AVEN: variants seen among roughly 807,000 people sequenced by gnomAD.
AVEN encodes the protein apoptosis and caspase activation inhibitor.
A neutral mutation model predicts 38.1 loss-of-function variants in AVEN; 41 were observed. The ratio of observed to expected loss-of-function variants is 1.08; its 90% CI spans 0.84 to 1.40. The LOEUF (loss-of-function observed/expected upper bound fraction) is 1.40, where lower values mean the gene tolerates loss of function less well. Among genes scored for constraint, AVEN ranks in the 40% most tolerant of loss-of-function variants. The pLI is 0.00. For missense variants in AVEN, 605 were observed against 438.8 expected, an observed-to-expected ratio of 1.38 and a Z score of -3.38; for synonymous variants, 206 against 171.8, an observed-to-expected ratio of 1.20 and a Z score of -1.56.
chr15:33,924,381 AATT>A (rs1567416058), intron 2 of AVEN, among the ~76,000 whole-genome samples: 3 of 151,876 alleles, frequency 2.0e-5, no homozygotes, highest in Non-Finnish European at 2.9e-5. Flanking sequence ...AAAAAAAAAA[AATT>A]ATTATTTTTT....
chr15:33,990,380 T>C (rs1896669955), intron 2 of AVEN, among the ~76,000 whole-genome samples: 1 of 151,518 alleles, frequency 6.6e-6, no homozygotes, highest in Non-Finnish European at 1.5e-5. Context: ...AGACCCTGTC[T>C]GAAAAAAAAA....
intron 3 of AVEN, among the ~76,000 whole-genome samples, chr15:33,873,089 C>CCTTTTTTTTTTTTTTTTTTTTTTTT (rs1567388353): frequency 7.2e-6 from 1 of 138,118 alleles, no homozygotes; most frequent in African/African-American, 2.8e-5. Flanking sequence ...TCTACTTTTC[C>CCTTTTTTTTTTTTTTTTTTTTTTTT]TTTTCTTTTT....
downstream of AVEN, among the ~76,000 whole-genome samples, chr15:33,857,233 G>A (rs1378553514): frequency 1.5e-5 from 1 of 65,154 alleles, no homozygotes; most frequent in African/African-American, 5.7e-5. Context: ...AGTAAGTCCA[G>A]TATCATGGTG....
chr15:34,053,976 T>C lies in AVEN; in HGVS notation n.1637+8946A>G, dbSNP rs192145108. Among the ~76,000 whole-genome samples the C allele has an allele frequency of 3.9e-5, 6 of 151,952 alleles. No individual in the cohort carries two copies. The East Asian group carries it at 1.2e-3, about 29-fold the overall frequency. On this transcript the variant is annotated intron_variant and non_coding_transcript_variant, in intron 5 of 11. Transcript: ENST00000675287. ...GAATCTACAAGGAACATAAACAAAT[T>C]TATGAGAAAAAAACAACCCCATCAA...
chr15:33,892,988 G>A (rs1597201590), intron 2 of AVEN, among the ~76,000 whole-genome samples: 1 of 152,112 alleles, frequency 6.6e-6, no homozygotes, highest in East Asian at 1.9e-4. Flanking sequence ...TGTAGCAATT[G>A]TGAATGGGAG....
chr15:33,904,290 C>T (rs1441996570), intron 2 of AVEN, among the ~76,000 whole-genome samples: 2 of 152,164 alleles, frequency 1.3e-5, no homozygotes, highest in African/African-American at 2.4e-5. Flanking sequence ...CATGATGGTA[C>T]ACACCTACAG....
chr15:33,876,435 G>GCCTATAATAGCA (rs71117188), intron 2 of AVEN, among the ~76,000 whole-genome samples: 7 of 151,712 alleles, frequency 4.6e-5, no homozygotes, highest in Admixed American at 4.6e-4. Context: ...AGCTGGGCGT[G>GCCTATAATAGCA]GTGGCACGTG....
intron 1 of AVEN, among the ~76,000 whole-genome samples, chr15:34,072,432 GA>G (rs2140858079): frequency 1.3e-5 from 2 of 151,520 alleles, no homozygotes; most frequent in Non-Finnish European, 2.9e-5. Context: ...CCAACATGGT[GA>G]AACCCCGTCT....
chr15:33,878,354 C>T (rs770280911), intron 2 of AVEN, among the ~76,000 whole-genome samples: 1 of 151,804 alleles, frequency 6.6e-6, no homozygotes, highest in Non-Finnish European at 1.5e-5. Context: ...AGAAACAGCC[C>T]CAGGTATATG....
chr15:33,965,315 T>G lies in AVEN; in HGVS notation c.445+37717A>C, dbSNP rs574219348. 1.4e-4 allele frequency among the ~76,000 whole-genome samples: 21 copies of G among 152,292 alleles called. No homozygotes were observed. The East Asian group carries it at 4.0e-3, about 29-fold the overall frequency. On this transcript the variant is annotated intron_variant, in intron 2 of 5. Coordinates refer to ENST00000306730, the MANE Select transcript of AVEN (RefSeq NM_020371.3). ...TCTCTTAAAATGCAACTTTTTCTCT[T>G]CATTTATTAACTGAAAAATAATCAC...
chr15:34,025,682 G>A (rs1031434510), intron 1 of AVEN, among the ~76,000 whole-genome samples: 4 of 152,116 alleles, frequency 2.6e-5, no homozygotes, highest in Middle Eastern at 3.2e-3. Flanking sequence ...GGGTAAAGAC[G>A]CATCATATCC....
chr15:34,033,706 T>C (rs532071379), intron 1 of AVEN, among the ~76,000 whole-genome samples: 11 of 152,314 alleles, frequency 7.2e-5, no homozygotes, highest in South Asian at 2.1e-4. Context: ...AATAAGGTTC[T>C]GTGGGAGATG....
At chr15:34,003,725 G>T (rs1227000383) in intron 1 of AVEN, among the ~76,000 whole-genome samples, 1 of 152,184 alleles carries the variant, frequency 6.6e-6, no homozygotes. Context: ...GAGGGACAAT[G>T]ACTTGTGAAA....
chr15:33,859,498 CAT>C, intron 11 of AVEN: 1 of 1,534,436 alleles, frequency 6.5e-7, no homozygotes. Flanking sequence ...CTGACCGAAT[CAT>C]ATGAATGATC....
intron 2 of AVEN, among the ~76,000 whole-genome samples, chr15:33,963,432 C>G (rs972080652): frequency 6.6e-6 from 1 of 152,146 alleles, no homozygotes; most frequent in African/African-American, 2.4e-5. Context: ...CAGGCAGTGG[C>G]TGGCTTTTGT....
Position 34,003,131 on chromosome 15 carries a change from A to G in AVEN, c.346T>C (p.Ser116Pro), listed in dbSNP as rs773603053. Residue 116 changes from serine to proline, a missense_variant, in exon 2 of 6, where the codon TCT becomes CCT. Coordinates refer to ENST00000306730, the MANE Select transcript of AVEN (RefSeq NM_020371.3). ...ATATCTTGATATCGATCCCAGTTAG[A>G]GACAATCTTTCTTTTAGAATAATTT... Reference protein sequence around the residue: ...QGNYSKRKIVSNWDRYQDIEK... With the variant: ...QGNYSKRKIVPNWDRYQDIEK... 2 of 1,613,864 alleles carry G rather than the reference A, an allele frequency of 1.2e-6. No individual in the cohort carries two copies. The highest frequency in any genetic ancestry group is 2.2e-5 in the South Asian group (2 of 91,070).
At chr15:34,074,992 C>A (rs1900700881) in exon 1 of AVEN, among the ~76,000 whole-genome samples, 1 of 151,904 alleles carries the variant, frequency 6.6e-6, no homozygotes, top group Non-Finnish European at 1.5e-5. Context: ...TCCTGGCTAA[C>A]ACGGTGAAAC....
intron 2 of AVEN, among the ~76,000 whole-genome samples, chr15:33,983,215 CATATATAT>C (rs148035145): frequency 0.01 from 1,129 of 111,814 alleles, 44 homozygotes; most frequent in South Asian, 0.041. Context: ...TATATATATA[CATATATAT>C]ACACACACAT....
chr15:33,868,750 G>A (rs1363373255), intron 4 of AVEN, among the ~76,000 whole-genome samples: 1 of 151,980 alleles, frequency 6.6e-6, no homozygotes, highest in Non-Finnish European at 1.5e-5. Context: ...GAAGTTAGGT[G>A]AGCGAGTGCC....
Sources: gnomAD v4.1 joint callset for allele counts (sites outside exome capture counted in the v4.1 genomes callset) on GRCh38, gnomAD v4.1.1 for gene constraint, MANE v1.5 for transcripts, NCBI Gene and HGNC (gene_info 2026-07-23, HGNC 2026-07-21) for gene names.